AOX1: variants seen among roughly 807,000 people sequenced by gnomAD.
AOX1 encodes aldehyde oxidase.
Under a neutral mutation model 169.5 loss-of-function variants are expected in AOX1, and 153 were observed. The observed-to-expected ratio is 0.90, with a 90% confidence interval of 0.79 to 1.03. The LOEUF (loss-of-function observed/expected upper bound fraction) is 1.03, where lower values mean the gene tolerates loss of function less well. AOX1 is among the 50% of genes least tolerant of loss of function. The pLI, the probability that AOX1 is intolerant of heterozygous loss-of-function variation, is 0.00. For missense variants in AOX1, 1,656 were observed against 1,663.9 expected (o/e 1.00, Z 0.08); for synonymous variants, 562 against 581.9 (o/e 0.97, Z 0.49).
Position 200,602,301 on chromosome 2 carries a change from A to C in AOX1, c.454A>C (p.Thr152Pro). Residue 152 changes from threonine to proline, a missense_variant, in exon 6 of 35, where the codon ACT becomes CCT. Coordinates refer to ENST00000374700, the MANE Select transcript of AOX1 (RefSeq NM_001159.4). Reference sequence around the variant, plus strand: ...TCCTTCAGGTAACCTGTGCCGTTGCACTGGATACAGGCCCATAATTGATGC... The same window carrying C: ...TCCTTCAGGTAACCTGTGCCGTTGCCCTGGATACAGGCCCATAATTGATGC... ...DALGGNLCRC[T>P]GYRPIIDACK... 8 of 1,613,954 alleles carry C rather than the reference A, an allele frequency of 5.0e-6. No homozygotes were observed. The highest frequency in any genetic ancestry group is 6.8e-6 in the Non-Finnish European group (8 of 1,179,956).
intron 26 of AOX1, among the ~76,000 whole-genome samples, chr2:200,653,645 G>T (rs112747668): frequency 0.013 from 2,039 of 152,316 alleles, 37 homozygotes; most frequent in African/African-American, 0.045. Flanking sequence ...AGCAGCTGAG[G>T]GGGTCAAACG....
At chr2:200,669,894 AGGGGTCCT>A in intron 34 of AOX1, 152 bp downstream of exon 34, 2 of 779,550 alleles carry the variant, frequency 2.6e-6, no homozygotes, top group South Asian at 3.6e-5. Context: ...AGATGTGCAG[AGGGGTCCT>A]TGAACTTGTA....
intron 24 of AOX1, 101 bp from the exon 25 acceptor site, chr2:200,642,509 G>A: frequency 1.1e-6 from 1 of 881,994 alleles, no homozygotes; most frequent in African/African-American, 1.7e-5. Context: ...TAGATGAGAT[G>A]AAAAGAGAGC....
intron 10 of AOX1, among the ~76,000 whole-genome samples, chr2:200,608,673 G>T (rs2034566346): frequency 6.6e-6 from 1 of 151,936 alleles, no homozygotes; most frequent in Non-Finnish European, 1.5e-5. Context: ...AGTGTTCAAA[G>T]AATTCAGCCT....
chr2:200,641,210 CA>C (rs2035346263), intron 24 of AOX1, 26 bp downstream of exon 24: 1 of 1,457,142 alleles, frequency 6.9e-7, no homozygotes, highest in South Asian at 1.1e-5. Flanking sequence ...AGCAAGTTCA[CA>C]TTCCTGAAAA....
downstream of AOX1, among the ~76,000 whole-genome samples, chr2:200,671,904 C>T (rs1223158959): frequency 6.6e-6 from 1 of 152,012 alleles, no homozygotes; most frequent in Non-Finnish European, 1.5e-5. Flanking sequence ...GAAGTGGAAA[C>T]AACTCAAATT....
At position 200,657,035 on chromosome 2, in the gene AOX1, G is replaced by C. The variant is rs190630124; in HGVS notation, c.3171+98G>C. 148 of 822,180 alleles carry C rather than the reference G, an allele frequency of 1.8e-4. No homozygotes were observed. In the African/African-American group the frequency reaches 2.4e-3, roughly 13 times the overall value. The allele number at this position is 822,180 out of a possible 1,614,324, so 50.9% of individuals were successfully genotyped here. A position where few individuals can be genotyped will look rare whatever the true frequency, so the allele number is the denominator to read the frequency against. On this transcript the variant is annotated intron_variant, in intron 27 of 34. Transcript: ENST00000374700. ...GGATATTTTCTGTTACAAAATACAGGATAGGAAGCTGGGTGAGGTGGCTCA... is the reference window on the plus strand; with the variant it reads ...GGATATTTTCTGTTACAAAATACAGCATAGGAAGCTGGGTGAGGTGGCTCA...
chr2:200,603,023 C>G (rs1020572960), intron 6 of AOX1, among the ~76,000 whole-genome samples: 1 of 151,982 alleles, frequency 6.6e-6, no homozygotes, highest in Non-Finnish European at 1.5e-5. Flanking sequence ...ATGCTATGTG[C>G]CACGCTTAGT....
At chr2:200,633,355 C>T (rs1002422532) in intron 20 of AOX1, among the ~76,000 whole-genome samples, 1 of 151,968 alleles carries the variant, frequency 6.6e-6, no homozygotes, top group African/African-American at 2.4e-5. Flanking sequence ...TTTGTTATAG[C>T]CAATGGGTTC....
intron 20 of AOX1, among the ~76,000 whole-genome samples, chr2:200,633,562 C>T (rs1989739): frequency 0.37 from 55,862 of 151,640 alleles, 10,646 homozygotes; most frequent in East Asian, 0.74. Flanking sequence ...TCTTTTTATA[C>T]TTTCTATTTC....
At chr2:200,638,403 T>A in intron 23 of AOX1, 101 bp downstream of exon 23, 1 of 993,022 alleles carries the variant, frequency 1.0e-6, no homozygotes, top group Admixed American at 2.0e-5. Flanking sequence ...GGAGTAACAA[T>A]GAGCAAATCA....
intron 31 of AOX1, among the ~76,000 whole-genome samples, chr2:200,664,786 T>A (rs2105773853): frequency 6.6e-6 from 1 of 152,344 alleles, no homozygotes; most frequent in Middle Eastern, 3.4e-3. Context: ...TTTTCCTCAC[T>A]TTGAACCTAC....
At chr2:200,620,257 G>A (rs2034856839) in intron 16 of AOX1, among the ~76,000 whole-genome samples, 1 of 147,150 alleles carries the variant, frequency 6.8e-6, no homozygotes, top group Non-Finnish European at 1.5e-5. Flanking sequence ...GGGGTGCAGT[G>A]CTGTGATCTT....
At chr2:200,624,273 T>A (rs1441914468) in intron 19 of AOX1, among the ~76,000 whole-genome samples, 1 of 152,180 alleles carries the variant, frequency 6.6e-6, no homozygotes, top group Admixed American at 6.5e-5. Flanking sequence ...AGGAACCCTA[T>A]TGCCCCAGCA....
intron 25 of AOX1, 123 bp downstream of exon 25, chr2:200,642,924 C>A: frequency 1.1e-6 from 1 of 941,884 alleles, no homozygotes; most frequent in Non-Finnish European, 1.6e-6. Context: ...CCAAGTCCCC[C>A]AGCTAACTGG....
downstream of AOX1, among the ~76,000 whole-genome samples, chr2:200,680,661 TC>T (rs1490688525): frequency 6.6e-6 from 1 of 152,182 alleles, no homozygotes; most frequent in Non-Finnish European, 1.5e-5. Context: ...TTCTCCTGCC[TC>T]AGCCTCATGA....
intron 18 of AOX1, 78 bp from the exon 19 acceptor site, chr2:200,623,783 G>A (rs2034939580): frequency 6.2e-7 from 1 of 1,603,214 alleles, no homozygotes; most frequent in Non-Finnish European, 8.5e-7. Flanking sequence ...TCGAGTACTA[G>A]GAGGGAGGAA....
chr2:200,586,655 C>G (rs530673222), intron 1 of AOX1, among the ~76,000 whole-genome samples: 1 of 152,316 alleles, frequency 6.6e-6, no homozygotes, highest in East Asian at 1.9e-4. Flanking sequence ...ATTCAAACCA[C>G]CCCCATCGTT....
Position 200,659,207 on chromosome 2 carries a change from C to T in AOX1, c.3214C>T (p.Leu1072=), listed in dbSNP as rs769757908. 6.2e-7 allele frequency: 1 copy of T among 1,613,840 alleles called. No homozygotes were observed. Among genetic ancestry groups the T allele is most frequent in the African/African-American group, 1.3e-5 (1 of 75,048 alleles). ...AAGAATGCCAATGTCGAATGTCCAC[C>T]TGCGTGGAACAAGCACAGAAACTGT... The part of the protein sequence containing the change: ...ELRMPMSNVH[L]RGTSTETVPN... The change falls in exon 28 of 35, where the codon CTG becomes TTG. Residue 1072 remains leucine (L), a synonymous_variant. Coordinates refer to ENST00000374700, the MANE Select transcript of AOX1 (RefSeq NM_001159.4).
Sources: gnomAD v4.1 joint callset for allele counts (sites outside exome capture counted in the v4.1 genomes callset) on GRCh38, gnomAD v4.1.1 for gene constraint, MANE v1.5 for transcripts, NCBI Gene and HGNC (gene_info 2026-07-23, HGNC 2026-07-21) for gene names.